FAM135B: variants seen among roughly 807,000 people sequenced by gnomAD.
FAM135B encodes the protein family with sequence similarity 135 member B, also known as protein FAM135B.
A neutral mutation model predicts 127.7 loss-of-function variants in FAM135B; 43 were observed. That is an observed-to-expected ratio of 0.34 (90% CI 0.26 to 0.43). The LOEUF (loss-of-function observed/expected upper bound fraction) is 0.43. Among genes scored for constraint, FAM135B ranks in the 20% least tolerant of loss-of-function variants. FAM135B has a pLI of 1.00. For synonymous variants in FAM135B, 670 were observed against 665.1 expected (o/e 1.01, Z -0.11); for missense variants, 1,558 against 1,725.6 (o/e 0.90, Z 1.72).
chr8:138,456,117 C>T (rs1836764025), intron 1 of FAM135B, among the ~76,000 whole-genome samples: 1 of 152,242 alleles, frequency 6.6e-6, no homozygotes, highest in African/African-American at 2.4e-5. Context: ...CAACATATCA[C>T]TGGCAGCCCA....
intron 3 of FAM135B, among the ~76,000 whole-genome samples, chr8:138,301,787 T>C (rs1045270593): frequency 6.6e-6 from 1 of 152,210 alleles, no homozygotes; most frequent in African/African-American, 2.4e-5. Flanking sequence ...TGACTCCAAA[T>C]AGATGCACAC....
chr8:138,288,252 C>T (rs142159968), intron 3 of FAM135B, among the ~76,000 whole-genome samples: 17 of 152,252 alleles, frequency 1.1e-4, no homozygotes, highest in Non-Finnish European at 1.9e-4. Context: ...CCAAGAGGTA[C>T]ATCAAATTAC....
rs1586687874 is a variant in FAM135B, at chr8:138,175,836, G to C, written c.1103+1511C>G. 2.0e-5 allele frequency among the ~76,000 whole-genome samples: 3 copies of C among 152,260 alleles called. No homozygotes were observed. In the South Asian group the frequency reaches 6.2e-4, roughly 32 times the overall value. On this transcript the variant is annotated intron_variant, in intron 11 of 19. Transcript: ENST00000395297. The stretch of plus-strand genomic sequence containing the variant: ...TTCCTCACTAGGATGAGTGACCCAT[G>C]TATACAGCACCTTTACTATATTATT...
chr8:138,254,011 A>C (rs1025445564), intron 5 of FAM135B, among the ~76,000 whole-genome samples: 13 of 152,236 alleles, frequency 8.5e-5, no homozygotes, highest in African/African-American at 2.4e-4. Flanking sequence ...TTAAGTGCTC[A>C]GGAGAGGAAG....
intron 15 of FAM135B, among the ~76,000 whole-genome samples, chr8:138,145,191 T>A (rs1266058452): frequency 3.9e-5 from 6 of 152,058 alleles, no homozygotes; most frequent in African/African-American, 1.2e-4. Flanking sequence ...AATTTTTGTA[T>A]TTTTTGGAGA....
chr8:138,250,828 C>T lies in FAM135B; in HGVS notation c.542+13G>A, dbSNP rs1256060190. 1 of 1,613,212 alleles carries T rather than the reference C, an allele frequency of 6.2e-7. No homozygotes were observed. Among genetic ancestry groups the T allele is most frequent in the East Asian group, 2.2e-5 (1 of 44,862 alleles). ...TGGCTCCCACATATCAGGGCTGCCT[C>T]TGAACTTCATACCTGATCAATGGCT... is the stretch of plus-strand genomic sequence containing the variant. On this transcript the variant is annotated intron_variant, in intron 6 of 19. Transcript: ENST00000395297.
At chr8:138,239,148 A>C (rs143839979) in intron 7 of FAM135B, among the ~76,000 whole-genome samples, 3 of 152,322 alleles carry the variant, frequency 2.0e-5, no homozygotes, top group Admixed American at 6.5e-5. Context: ...TTTCACAGTT[A>C]AGAAAACTAA....
At chr8:138,424,676 A>G (rs1490894567) in intron 1 of FAM135B, among the ~76,000 whole-genome samples, 1 of 152,196 alleles carries the variant, frequency 6.6e-6, no homozygotes, top group Non-Finnish European at 1.5e-5. Flanking sequence ...AAGCAATGAC[A>G]TTAGAATTCA....
intron 2 of FAM135B, among the ~76,000 whole-genome samples, chr8:138,351,881 G>A (rs1485162725): frequency 1.3e-5 from 2 of 151,904 alleles, no homozygotes; most frequent in Non-Finnish European, 2.9e-5. Context: ...GTACAGAAAG[G>A]GTTTCACCAT....
At chr8:138,159,053 A>ACC (rs1394275366) in intron 12 of FAM135B, among the ~76,000 whole-genome samples, 2 of 150,548 alleles carry the variant, frequency 1.3e-5, no homozygotes, top group African/African-American at 2.4e-5. Flanking sequence ...CGGGTGGATC[A>ACC]TGAGGTCAGG....
intron 7 of FAM135B, among the ~76,000 whole-genome samples, chr8:138,210,687 A>G (rs1818072684): frequency 6.6e-6 from 1 of 152,054 alleles, no homozygotes; most frequent in South Asian, 2.1e-4. Context: ...ATCACTTCCC[A>G]CCAGGTCCCT....
intron 7 of FAM135B, among the ~76,000 whole-genome samples, chr8:138,222,313 T>A (rs1819085485): frequency 6.6e-6 from 1 of 152,200 alleles, no homozygotes; most frequent in East Asian, 1.9e-4. Context: ...GCCTGCCCAC[T>A]GCTTCTTAAC....
In FAM135B at chr8:138,152,607, T is replaced by A. The variant is rs201634775; in HGVS notation, c.1868A>T (p.Asp623Val). Residue 623 changes from aspartate (D) to valine (V), a missense_variant, in exon 13 of 20, where the codon GAT (aspartate) becomes GTT (valine). Coordinates refer to ENST00000395297, the MANE Select transcript of FAM135B (RefSeq NM_015912.4). ...HELSTLGKGI[D>V]QEGKMVLLSL... ...TAGCAGCACCATCTTCCCCTCTTGA[T>A]CTATTCCCTTTCCTAGAGTACTTAA... The A allele has an allele frequency of 6.2e-7, 1 of 1,614,186 alleles. No homozygotes were observed. The highest frequency in any genetic ancestry group is 1.1e-5 in the South Asian group (1 of 91,080).
At chr8:138,420,621 G>T (rs184343690) in intron 1 of FAM135B, among the ~76,000 whole-genome samples, 1 of 151,940 alleles carries the variant, frequency 6.6e-6, no homozygotes, top group East Asian at 1.9e-4. Flanking sequence ...AAATCCACCA[G>T]CACATCAAAA....
At chr8:138,257,562 T>C (rs1822189449) in intron 4 of FAM135B, among the ~76,000 whole-genome samples, 1 of 152,076 alleles carries the variant, frequency 6.6e-6, no homozygotes, top group Admixed American at 6.6e-5. Flanking sequence ...CGCCACCACC[T>C]CTACTCAGAG....
At chr8:138,192,374 T>G (rs1816209087) in intron 9 of FAM135B, among the ~76,000 whole-genome samples, 1 of 152,320 alleles carries the variant, frequency 6.6e-6, no homozygotes, top group Non-Finnish European at 1.5e-5. Flanking sequence ...ACAAACCCCC[T>G]TCTTGCCTGG....
At chr8:138,156,203 T>A (rs541443765) in intron 12 of FAM135B, among the ~76,000 whole-genome samples, 30 of 152,154 alleles carry the variant, frequency 2.0e-4, no homozygotes, top group African/African-American at 5.1e-4. Flanking sequence ...ACTACTGGGT[T>A]CATAATGAAA....
In FAM135B at chr8:138,243,571, A is replaced by G. The variant is rs1360259470; in HGVS notation, c.543-503T>C. The stretch of plus-strand genomic sequence containing the variant: ...TGTCAAAGACTGTCATAAGCCAGAA[A>G]GCACTCGCTGTGTCAACGCTAATTG... On this transcript the variant is annotated intron_variant, in intron 6 of 19. Coordinates refer to ENST00000395297, the MANE Select transcript of FAM135B (RefSeq NM_015912.4). The surrounding 1 kb of genome is among the most constrained non-coding windows in gnomAD (Gnocchi z 7.5). Among the ~76,000 whole-genome samples the G allele has an allele frequency of 1.3e-5, 2 of 152,206 alleles. No homozygotes were observed. Among genetic ancestry groups the G allele is most frequent in the Non-Finnish European group, 2.9e-5 (2 of 68,040 alleles).
intron 17 of FAM135B, among the ~76,000 whole-genome samples, chr8:138,140,078 A>G (rs1817000324): frequency 6.6e-6 from 1 of 152,226 alleles, no homozygotes; most frequent in Non-Finnish European, 1.5e-5. Flanking sequence ...TGGGGGAAAA[A>G]TGTAGTTTAA....
Sources: gnomAD v4.1 joint callset for allele counts (sites outside exome capture counted in the v4.1 genomes callset) on GRCh38, gnomAD v4.1.1 for gene constraint, Gnocchi (gnomAD v3.1) non-coding constraint, MANE v1.5 for transcripts, NCBI Gene and HGNC (gene_info 2026-07-23, HGNC 2026-07-21) for gene names.